The following LHPP variants were observed in gnomAD, a reference collection of about 807,000 sequenced individuals.
LHPP encodes the protein phospholysine phosphohistidine inorganic pyrophosphate phosphatase, also known as hLHPP.
Under a neutral mutation model 30.3 loss-of-function variants are expected in LHPP, and 24 were observed. That is an observed-to-expected ratio of 0.79 (90% CI 0.57 to 1.11). The LOEUF (loss-of-function observed/expected upper bound fraction) is 1.11. Among genes scored for constraint, LHPP ranks in the 50% most tolerant of loss-of-function variants. LHPP has a pLI of 0.00. For missense variants in LHPP, 356 were observed against 367.2 expected (o/e 0.97, Z 0.25); for synonymous variants, 150 against 157.1 (o/e 0.95, Z 0.34).
At chr10:124,475,132 C>T (rs955752174) in intron 1 of LHPP, among the ~76,000 whole-genome samples, 2 of 148,772 alleles carry the variant, frequency 1.3e-5, no homozygotes, top group African/African-American at 4.9e-5. Context: ...TAGTGATTCT[C>T]CTGCCTCAGC....
intron 6 of LHPP, among the ~76,000 whole-genome samples, chr10:124,536,109 G>T (rs1191854242): frequency 6.6e-6 from 1 of 152,260 alleles, no homozygotes; most frequent in Non-Finnish European, 1.5e-5. Flanking sequence ...CCTGTAAGGT[G>T]GGGGCTGGGG....
chr10:124,488,319 A>G, intron 2 of LHPP, 103 bp from the exon 3 acceptor site: 1 of 1,010,190 alleles, frequency 9.9e-7, no homozygotes, highest in East Asian at 2.4e-5. Flanking sequence ...AATGCATCTG[A>G]GAAAGGGGGA....
At chr10:124,489,767 CTTT>C in intron 3 of LHPP, 6 of 156,094 alleles carry the variant, frequency 3.8e-5, no homozygotes, top group South Asian at 1.4e-4. Context: ...TAATTTTTTT[CTTT>C]TTTTTTTTTT....
intron 1 of LHPP, among the ~76,000 whole-genome samples, chr10:124,467,519 C>CTTT (rs112628606): frequency 7.3e-6 from 1 of 136,656 alleles, no homozygotes. Flanking sequence ...TTTTCTTTTT[C>CTTT]TTTTTTTTTT....
intron 1 of LHPP, among the ~76,000 whole-genome samples, chr10:124,473,797 T>TA (rs1952861674): frequency 6.6e-6 from 1 of 151,880 alleles, no homozygotes; most frequent in South Asian, 2.1e-4. Context: ...ACTAAAAATA[T>TA]AAAAAAATTA....
intron 6 of LHPP, among the ~76,000 whole-genome samples, chr10:124,571,556 C>A (rs1948584309): frequency 6.6e-6 from 1 of 152,212 alleles, no homozygotes; most frequent in African/African-American, 2.4e-5. Context: ...GGACCCTGTG[C>A]CTGGGAGGAG....
intron 5 of LHPP, chr10:124,498,621 A>G: frequency 3.0e-6 from 2 of 657,000 alleles, no homozygotes; most frequent in Non-Finnish European, 5.2e-6. Context: ...ACCCTAAGTG[A>G]GTCTGGCTTC....
chr10:124,513,164 C>T (rs1228385594), intron 5 of LHPP, among the ~76,000 whole-genome samples: 1 of 152,064 alleles, frequency 6.6e-6, no homozygotes, highest in Non-Finnish European at 1.5e-5. Context: ...AATCTTGGCT[C>T]ATTCTCCTGC....
At chr10:124,504,206 A>T (rs926898426) in intron 5 of LHPP, among the ~76,000 whole-genome samples, 2 of 151,662 alleles carry the variant, frequency 1.3e-5, no homozygotes, top group African/African-American at 4.8e-5. Context: ...AATAAAATAA[A>T]ATAATATAAG....
intron 6 of LHPP, chr10:124,553,791 G>A (rs1948232939): frequency 3.1e-6 from 2 of 654,964 alleles, no homozygotes; most frequent in Non-Finnish European, 3.8e-6. Context: ...ATGACTCCCG[G>A]TGATATTGTC....
chr10:124,583,363 G>T (rs1948765797), intron 6 of LHPP, among the ~76,000 whole-genome samples: 1 of 152,104 alleles, frequency 6.6e-6, no homozygotes, highest in South Asian at 2.1e-4. Flanking sequence ...CTTTTGCATG[G>T]TGCTATCCAG....
intron 6 of LHPP, among the ~76,000 whole-genome samples, chr10:124,550,590 A>G (rs1428186498): frequency 6.6e-6 from 1 of 152,172 alleles, no homozygotes; most frequent in African/African-American, 2.4e-5. Flanking sequence ...CAGTGTGTTT[A>G]TGTGCACAGG....
At chr10:124,505,171 A>C (rs1409341317) in intron 5 of LHPP, among the ~76,000 whole-genome samples, 1 of 152,138 alleles carries the variant, frequency 6.6e-6, no homozygotes, top group Admixed American at 6.5e-5. Context: ...CCATTTTCCT[A>C]AAATGCTCAC....
At chr10:124,546,504 A>G (rs746812368) in intron 6 of LHPP, among the ~76,000 whole-genome samples, 25 of 152,026 alleles carry the variant, frequency 1.6e-4, no homozygotes, top group East Asian at 3.9e-4. Context: ...CTGGGTTCAC[A>G]CCATTCTCCT....
At chr10:124,598,609 G>A (rs1475629258) in intron 6 of LHPP, among the ~76,000 whole-genome samples, 2 of 149,890 alleles carry the variant, frequency 1.3e-5, no homozygotes, top group Non-Finnish European at 3.0e-5. Context: ...GGAATTGCTG[G>A]GAGCGGTCCA....
At chr10:124,573,010 C>T (rs1301421322) in intron 6 of LHPP, among the ~76,000 whole-genome samples, 3 of 152,246 alleles carry the variant, frequency 2.0e-5, no homozygotes, top group Admixed American at 2.0e-4. Flanking sequence ...CGTTCAACTG[C>T]GTGGTGTGGG....
chr10:124,562,034 C>T (rs371852905), intron 6 of LHPP, among the ~76,000 whole-genome samples: 8 of 152,322 alleles, frequency 5.3e-5, no homozygotes, highest in East Asian at 3.9e-4. Context: ...GGGCCAGGTA[C>T]GGTGGCTCAT....
chr10:124,581,597 C>T (rs945921029), intron 6 of LHPP, among the ~76,000 whole-genome samples: 15 of 152,300 alleles, frequency 9.8e-5, no homozygotes, highest in Middle Eastern at 3.4e-3. Context: ...TCTAGCCATT[C>T]TAGTGGCTGG....
chr10:124,529,613 G>C (rs568039453), intron 6 of LHPP, among the ~76,000 whole-genome samples: 1 of 152,182 alleles, frequency 6.6e-6, no homozygotes, highest in East Asian at 1.9e-4. Context: ...TAATCCAGGA[G>C]CTGAGGGCCA....
Sources: gnomAD v4.1 joint callset for allele counts (sites outside exome capture counted in the v4.1 genomes callset) on GRCh38, gnomAD v4.1.1 for gene constraint, MANE v1.5 for transcripts, NCBI Gene and HGNC (gene_info 2026-07-23, HGNC 2026-07-21) for gene names.